Variants in SEM1 observed in about 807,000 individuals in gnomAD.
SEM1 encodes the protein 26S proteasome complex subunit SEM1.
SEM1 carries 3 observed loss-of-function variants against 12.7 expected under a neutral mutation model. That is an observed-to-expected ratio of 0.24 (90% CI 0.11 to 0.61). The LOEUF (loss-of-function observed/expected upper bound fraction) is 0.61, where lower values mean the gene tolerates loss of function less well. Among genes scored for constraint, SEM1 ranks in the 20% least tolerant of loss-of-function variants. SEM1 has a pLI of 0.88. For synonymous variants in SEM1, 30 were observed against 27.8 expected, an observed-to-expected ratio of 1.08 and a Z score of -0.25; for missense variants, 59 against 81.3, an observed-to-expected ratio of 0.73 and a Z score of 1.06.
intron 1 of SEM1, chr7:96,706,092 A>AT (rs1238613583): frequency 6.6e-6 from 1 of 152,228 alleles, no homozygotes; most frequent in East Asian, 1.9e-4. Context: ...CCTAAATATG[A>AT]TTTTTTACAG....
intron 2 of SEM1, among the ~76,000 whole-genome samples, chr7:96,564,514 T>G (rs1404719884): frequency 6.6e-6 from 1 of 152,178 alleles, no homozygotes; most frequent in Non-Finnish European, 1.5e-5. Context: ...AAGTGGTATG[T>G]TTACTTGTTA....
intron 2 of SEM1, among the ~76,000 whole-genome samples, chr7:96,689,573 T>C (rs1452522163): frequency 6.6e-6 from 1 of 152,212 alleles, no homozygotes; most frequent in African/African-American, 2.4e-5. Flanking sequence ...CATCATTACA[T>C]CCAATAAGAT....
At chr7:96,578,017 G>C (rs1298288511) in intron 2 of SEM1, among the ~76,000 whole-genome samples, 1 of 151,954 alleles carries the variant, frequency 6.6e-6, no homozygotes, top group African/African-American at 2.4e-5. Context: ...AAAATGACCA[G>C]GCTAAATAAA....
At chr7:96,503,620 AAC>A (rs1241120206) in intron 3 of SEM1, 1 of 152,152 alleles carries the variant, frequency 6.6e-6, no homozygotes, top group African/African-American at 2.4e-5. Flanking sequence ...GTGCTGAAAT[AAC>A]ACAGGGTTTC....
chr7:96,679,054 AAATC>A (rs574778113), intron 2 of SEM1, among the ~76,000 whole-genome samples: 79 of 152,252 alleles, frequency 5.2e-4, no homozygotes, highest in South Asian at 3.1e-3. Flanking sequence ...TTCAATATAT[AAATC>A]AATAGCTTTA....
chr7:96,691,063 G>A (rs529364787), intron 2 of SEM1, among the ~76,000 whole-genome samples: 45 of 152,248 alleles, frequency 3.0e-4, no homozygotes, highest in African/African-American at 9.4e-4. Context: ...GAGCCACTGC[G>A]CCTGGCCTAT....
chr7:96,667,778 C>T (rs1486457083), intron 2 of SEM1, among the ~76,000 whole-genome samples: 1 of 152,168 alleles, frequency 6.6e-6, no homozygotes, highest in African/African-American at 2.4e-5. Context: ...CTGAGCTTCC[C>T]CACAATATAC....
At chr7:96,537,406 C>G (rs930463468) in intron 2 of SEM1, among the ~76,000 whole-genome samples, 9 of 151,636 alleles carry the variant, frequency 5.9e-5, no homozygotes, top group African/African-American at 1.9e-4. Context: ...CTTCTTTCTT[C>G]CTGAAGAAAT....
intron 2 of SEM1, among the ~76,000 whole-genome samples, chr7:96,514,813 G>C (rs1804039154): frequency 6.8e-6 from 1 of 147,590 alleles, no homozygotes; most frequent in Non-Finnish European, 1.5e-5. Context: ...GGAAAACTCA[G>C]TTATTGTCAA....
exon 3 of SEM1, chr7:96,484,825 C>T (rs181230259): frequency 7.8e-7 from 1 of 1,287,584 alleles, no homozygotes; most frequent in African/African-American, 1.5e-5. Context: ...GTTCCATTAC[C>T]TTGCCCACTT....
At chr7:96,641,015 T>G (rs2116389565) in intron 2 of SEM1, among the ~76,000 whole-genome samples, 1 of 152,078 alleles carries the variant, frequency 6.6e-6, no homozygotes, top group South Asian at 2.1e-4. Flanking sequence ...AAATATTATG[T>G]TTTTCTATGG....
At chr7:96,618,927 G>C, downstream of SEM1, among the ~76,000 whole-genome samples, 1 of 151,924 alleles carries the variant, frequency 6.6e-6, no homozygotes, top group Non-Finnish European at 1.5e-5. Flanking sequence ...CTTTGGCCTG[G>C]GCAACAGAGA....
chr7:96,618,456 A>G (rs189244341), downstream of SEM1, among the ~76,000 whole-genome samples: 10 of 152,302 alleles, frequency 6.6e-5, no homozygotes, highest in Admixed American at 4.6e-4. Flanking sequence ...GTTTTCATCA[A>G]TTATTTTTTG....
intron 2 of SEM1, among the ~76,000 whole-genome samples, chr7:96,548,549 C>T (rs1391866023): frequency 2.0e-5 from 3 of 152,084 alleles, no homozygotes; most frequent in Non-Finnish European, 4.4e-5. Flanking sequence ...ATTATTTGCT[C>T]CCAAAGCCAC....
chr7:96,600,929 C>T (rs1807179503), intron 2 of SEM1, among the ~76,000 whole-genome samples: 1 of 152,180 alleles, frequency 6.6e-6, no homozygotes, highest in Non-Finnish European at 1.5e-5. Flanking sequence ...CAACACTCCA[C>T]ACACACTAAT....
intron 2 of SEM1, among the ~76,000 whole-genome samples, chr7:96,545,266 G>A (rs1248076609): frequency 1.3e-5 from 2 of 151,936 alleles, no homozygotes; most frequent in Non-Finnish European, 2.9e-5. Context: ...CAAAAATTTT[G>A]TCCCATGTAT....
At chr7:96,510,218 C>T (rs926457111) in intron 2 of SEM1, among the ~76,000 whole-genome samples, 1 of 152,054 alleles carries the variant, frequency 6.6e-6, no homozygotes, top group African/African-American at 2.4e-5. Context: ...AGGTGCACCA[C>T]CTTTGAAGTA....
chr7:96,498,689 T>C (rs1803391104), upstream of SEM1, among the ~76,000 whole-genome samples: 1 of 152,160 alleles, frequency 6.6e-6, no homozygotes, highest in Non-Finnish European at 1.5e-5. Flanking sequence ...CAAATGATTG[T>C]TGTGTGTCCT....
chr7:96,625,400 T>A (rs1386258677), intron 2 of SEM1, among the ~76,000 whole-genome samples: 1 of 152,114 alleles, frequency 6.6e-6, no homozygotes, highest in Non-Finnish European at 1.5e-5. Context: ...CAACAAAAAC[T>A]TAAAGATAAA....
Sources: gnomAD v4.1 joint callset for allele counts (sites outside exome capture counted in the v4.1 genomes callset) on GRCh38, gnomAD v4.1.1 for gene constraint, MANE v1.5 for transcripts, NCBI Gene and HGNC (gene_info 2026-07-23, HGNC 2026-07-21) for gene names.